The following MRPL4 variants were observed in gnomAD, a reference collection of about 807,000 sequenced individuals.
MRPL4 encodes mitochondrial ribosomal protein L4, also known as large ribosomal subunit protein uL4m.
Under a neutral mutation model 34.1 loss-of-function variants are expected in MRPL4, and 34 were observed. The ratio of observed to expected loss-of-function variants is 1.00; its 90% CI spans 0.76 to 1.33. The LOEUF (loss-of-function observed/expected upper bound fraction) is 1.33, where lower values mean the gene tolerates loss of function less well. Ranked by LOEUF, MRPL4 falls within the 40% of genes most tolerant of loss-of-function variation. The probability of loss-of-function intolerance (pLI) is 0.00; values close to 1 mark genes in which losing one functional copy is unlikely to be tolerated. For missense variants in MRPL4, 402 were observed against 434.6 expected (o/e 0.92, Z 0.67); for synonymous variants, 196 against 188.3 (o/e 1.04, Z -0.33).
In MRPL4 at chr19:10,259,670, A is replaced by C. The variant is rs776765113; in HGVS notation, c.793A>C (p.Thr265Pro). 3 of 1,504,264 alleles carry C rather than the reference A, an allele frequency of 2.0e-6. No homozygotes were observed. The highest frequency in any genetic ancestry group is 2.7e-6 in the Non-Finnish European group (3 of 1,118,656). 93.2% of individuals were successfully genotyped at this position (1,504,264 alleles called of 1,614,324 possible). A position where few individuals can be genotyped will look rare whatever the true frequency, so the allele number is the denominator to read the frequency against. ...KHQTLVLTLP[T>P]VAFLEDKLLW... ...CCAGACGCTGGTCCTGACGCTGCCCACCGTCGCCTTCCTGGAGGACAAGCT... is the reference window on the plus strand; with the variant it reads ...CCAGACGCTGGTCCTGACGCTGCCCCCCGTCGCCTTCCTGGAGGACAAGCT... Residue 265 changes from threonine to proline, a missense_variant, in exon 9 of 9, where the codon ACC becomes CCC. Coordinates refer to ENST00000253099, the MANE Select transcript of MRPL4 (RefSeq NM_015956.3).
intron 8 of MRPL4, 195 bp from the exon 9 acceptor site, chr19:10,259,422 G>C: frequency 2.1e-6 from 3 of 1,418,122 alleles, no homozygotes; most frequent in Non-Finnish European, 2.7e-6. Context: ...TGAGCTGGGA[G>C]CAGCTCCTTG....
intron 5 of MRPL4, among the ~76,000 whole-genome samples, chr19:10,257,448 G>A (rs745400896): frequency 1.3e-5 from 2 of 152,008 alleles, no homozygotes; most frequent in Non-Finnish European, 2.9e-5. Flanking sequence ...AGCCCCCCTT[G>A]ATCTCCTTTC....
In MRPL4 at chr19:10,252,214, A is replaced by T. The variant is rs370075151; in HGVS notation, c.-40A>T. Reference sequence around the variant, plus strand: ...ATCCAGCGGCGCCTCGCGAGGCTCCAGTGGCCTTGACCTCCCGCGGCGTGG... The same window carrying T: ...ATCCAGCGGCGCCTCGCGAGGCTCCTGTGGCCTTGACCTCCCGCGGCGTGG... On this transcript the variant is annotated 5_prime_UTR_variant, in exon 1 of 9. Coordinates refer to ENST00000253099, the MANE Select transcript of MRPL4 (RefSeq NM_015956.3). The T allele has an allele frequency of 9.6e-6, 15 of 1,556,590 alleles. No individual in the cohort carries two copies. The highest frequency in any genetic ancestry group is 1.3e-5 in the Non-Finnish European group (15 of 1,155,478).
rs111864118 is a variant in MRPL4 at position 10,254,777 on chromosome 19, G to A, written c.327+137G>A. The A allele has an allele frequency of 5.2e-3, 3,929 of 758,250 alleles. 115 individuals carry two copies. In the African/African-American group the frequency reaches 0.063, roughly 12 times the overall value. 47.0% of individuals were successfully genotyped at this position (758,250 alleles called of 1,614,324 possible). A position where few individuals can be genotyped will look rare whatever the true frequency, so the allele number is the denominator to read the frequency against. On this transcript the variant is annotated intron_variant, in intron 4 of 8. Transcript: ENST00000253099. ...TCATCTGTCTCCTGAACTATTCACC[G>A]ATGGGTCCATTTTTGGTTCTCTTTT... is the stretch of plus-strand genomic sequence containing the variant.
intron 8 of MRPL4, chr19:10,259,147 A>C: frequency 7.9e-7 from 1 of 1,271,196 alleles, no homozygotes. Flanking sequence ...ACCTCTGTCA[A>C]AGCCACAGTC....
At position 10,259,672 on chromosome 19, in the gene MRPL4, C is replaced by G. The variant is rs748381161; in HGVS notation, c.795C>G (p.Thr265=). Reference sequence around the variant, plus strand: ...AGACGCTGGTCCTGACGCTGCCCACCGTCGCCTTCCTGGAGGACAAGCTGC... The same window carrying G: ...AGACGCTGGTCCTGACGCTGCCCACGGTCGCCTTCCTGGAGGACAAGCTGC... ...KHQTLVLTLP[T]VAFLEDKLLW... is the part of the protein sequence containing the mutation. Residue 265 remains threonine, a synonymous_variant, in exon 9 of 9, where the codon ACC becomes ACG. Transcript: ENST00000253099. The G allele has an allele frequency of 3.7e-6, 6 of 1,612,614 alleles. No individual in the cohort carries two copies. In the African/African-American group the frequency reaches 6.7e-5, roughly 18 times the overall value.
rs373525044 is a variant in MRPL4, at chr19:10,254,031, T to G, written c.276-558T>G. 2.6e-5 allele frequency among the ~76,000 whole-genome samples: 4 copies of G among 152,234 alleles called. No individual in the cohort carries two copies. In the East Asian group the frequency reaches 7.7e-4, roughly 29 times the overall value. ...ACAAGGAAGAAGGGGTGGCTTTTTT[T>G]TTCTGAGATGAAGTTTCGCTCTTGT... On this transcript the variant is annotated intron_variant, in intron 3 of 8. Coordinates refer to ENST00000253099, the MANE Select transcript of MRPL4 (RefSeq NM_015956.3).
chr19:10,259,721 C>CTCA lies in MRPL4; in HGVS notation c.844_845insTCA (p.Pro282delinsLeuThr). ...GCTCTGGCAGGACTCACGTTACAGA[C>CTCA]CCCTCTACCCCTTCAGCCTGCCCTA... is the stretch of plus-strand genomic sequence containing the variant. On this transcript the variant is annotated protein_altering_variant, in exon 9 of 9. Coordinates refer to ENST00000253099, the MANE Select transcript of MRPL4 (RefSeq NM_015956.3). 1 of 1,613,952 alleles carries CTCA rather than the reference C, an allele frequency of 6.2e-7. No individual in the cohort carries two copies. Among genetic ancestry groups the CTCA allele is most frequent in the Non-Finnish European group, 8.5e-7 (1 of 1,179,974 alleles).
At position 10,252,247 on chromosome 19, in the gene MRPL4, C is replaced by T. The variant is rs748607312; in HGVS notation, c.-7C>T. On this transcript the variant is annotated 5_prime_UTR_variant, in exon 1 of 9. Coordinates refer to ENST00000253099, the MANE Select transcript of MRPL4 (RefSeq NM_015956.3). ...TGACCTCCCGCGGCGTGGGAGGCTG[C>T]GCGGCGATGCTGCAGTTCGTCCGGG... 3.1e-6 allele frequency: 5 copies of T among 1,599,970 alleles called. No individual in the cohort carries two copies. The highest frequency in any genetic ancestry group is 1.8e-5 in the Admixed American group (1 of 55,056).
chr19:10,258,916 A>T (rs1568285525), intron 8 of MRPL4: 1 of 1,441,536 alleles, frequency 6.9e-7, no homozygotes, highest in Non-Finnish European at 9.1e-7. Context: ...CAGTCTGGGC[A>T]ATATAGTGAG....
At chr19:10,259,407 G>C (rs1294289875) in intron 8 of MRPL4, 1 of 1,408,176 alleles carries the variant, frequency 7.1e-7, no homozygotes, top group African/African-American at 1.5e-5. Flanking sequence ...TCGGTCAGCA[G>C]GTGATGAGCT....
In MRPL4 at chr19:10,258,467, C is replaced by T; in HGVS notation, c.607C>T (p.Leu203=). 1.2e-6 allele frequency: 2 copies of T among 1,614,106 alleles called. No individual in the cohort carries two copies. Among genetic ancestry groups the T allele is most frequent in the Non-Finnish European group, 1.7e-6 (2 of 1,180,014 alleles). Residue 203 remains leucine (L), a synonymous_variant, in exon 7 of 9, where the codon CTG becomes TTG. Transcript: ENST00000253099. ...LELPTGDPQY[L]TELAHYRRWG... is the part of the protein sequence containing the mutation. ...GCTGCCCACCGGAGACCCACAGTAC[C>T]TGACAGAGCTGGCGCACTACCGCCG...
intron 5 of MRPL4, 84 bp downstream of exon 5, chr19:10,256,909 A>G: frequency 2.7e-6 from 3 of 1,102,716 alleles, no homozygotes; most frequent in Non-Finnish European, 3.7e-6. Flanking sequence ...AGCTGCGCAC[A>G]TCTGGCATGG....
In MRPL4 at chr19:10,259,788, C is replaced by T; in HGVS notation, c.911C>T (p.Pro304Leu). Residue 304 changes from proline to leucine, a missense_variant, in exon 9 of 9, where the codon CCA becomes CTA. Coordinates refer to ENST00000253099, the MANE Select transcript of MRPL4 (RefSeq NM_015956.3). Reference protein sequence around the residue: ...PRPLPHATQGPAATPYHC With the variant: ...PRPLPHATQGLAATPYHC ...CCCCTACCCCACGCTACCCAGGGCCCAGCGGCCACCCCGTACCACTGTTGA... is the reference window on the plus strand; with the variant it reads ...CCCCTACCCCACGCTACCCAGGGCCTAGCGGCCACCCCGTACCACTGTTGA... The T allele has an allele frequency of 1.2e-6, 2 of 1,613,020 alleles. No homozygotes were observed. Among genetic ancestry groups the T allele is most frequent in the South Asian group, 1.1e-5 (1 of 90,990 alleles).
chr19:10,256,574 A>G, intron 4 of MRPL4, 134 bp from the exon 5 acceptor site: 2 of 681,860 alleles, frequency 2.9e-6, no homozygotes, highest in Non-Finnish European at 5.1e-6. Context: ...TCGCTCCCCA[A>G]GTACTCTGTG....
At chr19:10,256,645 G>A in intron 4 of MRPL4, 63 bp from the exon 5 acceptor site, 1 of 1,420,720 alleles carries the variant, frequency 7.0e-7, no homozygotes, top group South Asian at 1.2e-5. Flanking sequence ...TGGCAGGACT[G>A]ATCTGCCCGG....
At chr19:10,257,038 C>T (rs1259673846) in intron 5 of MRPL4, among the ~76,000 whole-genome samples, 2 of 152,048 alleles carry the variant, frequency 1.3e-5, no homozygotes, top group African/African-American at 4.8e-5. Flanking sequence ...GCCATCCACT[C>T]CTCCCTCTCG....
intron 5 of MRPL4, among the ~76,000 whole-genome samples, chr19:10,257,669 G>A (rs1044799916): frequency 2.6e-5 from 4 of 151,878 alleles, no homozygotes; most frequent in Non-Finnish European, 5.9e-5. Context: ...TTGCTCCACC[G>A]GAGCATGTGC....
intron 6 of MRPL4, 31 bp from the exon 7 acceptor site, chr19:10,258,382 C>A: frequency 6.2e-7 from 1 of 1,613,958 alleles, no homozygotes; most frequent in Non-Finnish European, 8.5e-7. Context: ...GCTCTGGACC[C>A]AGGGTTCAAA....
Sources: allele counts gnomAD v4.1 joint callset (sites outside exome capture counted in the v4.1 genomes callset), GRCh38; gene constraint gnomAD v4.1.1; transcripts MANE v1.5; gene names NCBI Gene and HGNC (gene_info 2026-07-23, HGNC 2026-07-21).